CFAP44: variants seen among roughly 807,000 people sequenced by gnomAD.
CFAP44 encodes the protein cilia and flagella associated protein 44, also known as cilia- and flagella-associated protein 44.
In CFAP44, 134 loss-of-function variants were observed where a neutral mutation model predicts 216.2. The ratio of observed to expected loss-of-function variants is 0.62; its 90% confidence interval spans 0.54 to 0.72. The LOEUF (loss-of-function observed/expected upper bound fraction) is 0.72. Ranked by LOEUF, CFAP44 falls within the 30% of genes least tolerant of loss-of-function variation. The pLI is 0.00. For synonymous variants in CFAP44, 700 were observed against 727.6 expected, an observed-to-expected ratio of 0.96 and a Z score of 0.61; for missense variants, 2,035 against 2,182.1, an observed-to-expected ratio of 0.93 and a Z score of 1.34.
In CFAP44 at chr3:113,337,672, A is replaced by G. The variant is rs933036146; in HGVS notation, c.3437+4072T>C. ...CAAATATGTCCAAATGATTTCTGAC[A>G]AAGGTGCAAAAGGAATTCAAAGGAG... On this transcript the variant is annotated intron_variant, in intron 24 of 34. Coordinates refer to ENST00000393845, the MANE Select transcript of CFAP44 (RefSeq NM_001164496.2). Among the ~76,000 whole-genome samples the G allele has an allele frequency of 7.9e-5, 12 of 152,192 alleles. 1 individual carries two copies. The highest frequency in any genetic ancestry group is 7.2e-4 in the Admixed American group (11 of 15,278).
intron 26 of CFAP44, among the ~76,000 whole-genome samples, chr3:113,329,473 G>A (rs1950221773): frequency 6.6e-6 from 1 of 152,184 alleles, no homozygotes; most frequent in Non-Finnish European, 1.5e-5. Context: ...ACAAAGAAGA[G>A]ATAATGGTGA....
In CFAP44 at chr3:113,287,072, T is replaced by C. The variant is rs1271899279; in HGVS notation, c.*4485A>G. The C allele has an allele frequency of 1.6e-6, 1 of 627,222 alleles. No individual in the cohort carries two copies. The highest frequency in any genetic ancestry group is 1.8e-5 in the African/African-American group (1 of 55,116). 38.9% of individuals were successfully genotyped at this position (627,222 alleles called of 1,614,324 possible). On this transcript the variant is annotated 3_prime_UTR_variant, in exon 35 of 35. Coordinates refer to ENST00000393845, the MANE Select transcript of CFAP44 (RefSeq NM_001164496.2). ...GGTTGGAGAGGGAAAATAAAGAAGC[T>C]GCCACCTAACAGGAGTCACCCAGGA...
chr3:113,335,936 T>C (rs1457646880), intron 24 of CFAP44, among the ~76,000 whole-genome samples: 1 of 152,174 alleles, frequency 6.6e-6, no homozygotes, highest in African/African-American at 2.4e-5. Flanking sequence ...TAGGAAGATA[T>C]TTTTTAAACC....
At chr3:113,400,141 G>A (rs1017035450) in intron 12 of CFAP44, 141 bp from the exon 13 acceptor site, 4 of 527,540 alleles carry the variant, frequency 7.6e-6, no homozygotes, top group Non-Finnish European at 1.3e-5. Context: ...AAAAATTTCA[G>A]GTACAACCTC....
At chr3:113,408,983 A>T in intron 7 of CFAP44, 123 bp downstream of exon 7, 1 of 615,668 alleles carries the variant, frequency 1.6e-6, no homozygotes, top group Non-Finnish European at 2.6e-6. Flanking sequence ...ATTTTTAAAT[A>T]ATTCTAATGT....
At chr3:113,381,180 T>C in intron 15 of CFAP44, 120 bp from the exon 16 acceptor site, 1 of 599,720 alleles carries the variant, frequency 1.7e-6, no homozygotes, top group Non-Finnish European at 2.5e-6. Context: ...ACACACTTAA[T>C]TCCTCACTGC....
At position 113,341,918 on chromosome 3, in the gene CFAP44, C is replaced by G. The variant is rs1452239048; in HGVS notation, c.3263G>C (p.Gly1088Ala). 2 of 1,512,812 alleles carry G rather than the reference C, an allele frequency of 1.3e-6. No homozygotes were observed. Among genetic ancestry groups the G allele is most frequent in the Non-Finnish European group, 1.8e-6 (2 of 1,140,956 alleles). The allele number at this position is 1,512,812 out of a possible 1,614,324, so 93.7% of individuals were successfully genotyped here. The change falls in exon 24 of 35, where the codon GGT (glycine) becomes GCT (alanine). Residue 1088 changes from glycine (G) to alanine (A), a missense_variant and splice_region_variant. Physicochemically the swap from Gly to Ala is moderately conservative, Grantham distance 60. Transcript: ENST00000393845. ...TTCTTCTTGTATGGTAACACTCCCACCTACATAGAGAATCAACATTTTTCA... is the reference window on the plus strand; with the variant it reads ...TTCTTCTTGTATGGTAACACTCCCAGCTACATAGAGAATCAACATTTTTCA... ...PGRKDSQRDA[G>A]GSVTIQEESI...
chr3:113,291,406 G>A lies in CFAP44; in HGVS notation c.*151C>T. On this transcript the variant is annotated 3_prime_UTR_variant, in exon 35 of 35. Transcript: ENST00000393845. The stretch of plus-strand genomic sequence containing the variant: ...TTCTAAGATAACCAAATTGTAGAGA[G>A]ATTCTTAAAGTGACTTAACGTGACT... The A allele has an allele frequency of 2.3e-6, 2 of 875,804 alleles. No homozygotes were observed. Among genetic ancestry groups the A allele is most frequent in the East Asian group, 2.7e-5 (1 of 37,332 alleles). The allele number at this position is 875,804 out of a possible 1,614,324, so 54.3% of individuals were successfully genotyped here.
chr3:113,354,878 C>G (rs1003822565), intron 22 of CFAP44, among the ~76,000 whole-genome samples: 1 of 152,192 alleles, frequency 6.6e-6, no homozygotes, highest in African/African-American at 2.4e-5. Context: ...GGCCAACCAA[C>G]ACAAAACGAG....
intron 18 of CFAP44, 44 bp from the exon 19 acceptor site, chr3:113,366,353 A>T (rs1333469822): frequency 2.6e-6 from 4 of 1,565,028 alleles, no homozygotes; most frequent in Non-Finnish European, 3.5e-6. Context: ...TTAATCTGAA[A>T]ATAATGCTTA....
At chr3:113,352,224 C>G (rs372039244) in intron 22 of CFAP44, among the ~76,000 whole-genome samples, 1 of 152,140 alleles carries the variant, frequency 6.6e-6, no homozygotes, top group Admixed American at 6.5e-5. Context: ...GACCAATCAG[C>G]GCTCTGTAAA....
intron 32 of CFAP44, among the ~76,000 whole-genome samples, chr3:113,300,174 T>C (rs1321985133): frequency 6.6e-6 from 1 of 152,092 alleles, no homozygotes; most frequent in Non-Finnish European, 1.5e-5. Context: ...ACTGAACTCA[T>C]GGAGATAGAG....
chr3:113,398,034 T>C (rs1401066043), intron 13 of CFAP44, among the ~76,000 whole-genome samples: 1 of 152,158 alleles, frequency 6.6e-6, no homozygotes, highest in Non-Finnish European at 1.5e-5. Flanking sequence ...TAGAGCTCAG[T>C]GACCATCAGT....
At chr3:113,363,091 T>TCTATCCAGATAACATATG in intron 21 of CFAP44, 54 bp downstream of exon 21, 1 of 1,476,324 alleles carries the variant, frequency 6.8e-7, no homozygotes. Flanking sequence ...AATAGTCATC[T>TCTATCCAGATAACATATG]CTATCCAGAA....
intron 22 of CFAP44, among the ~76,000 whole-genome samples, chr3:113,355,384 G>C (rs1282679351): frequency 1.3e-5 from 2 of 152,178 alleles, no homozygotes; most frequent in Non-Finnish European, 2.9e-5. Flanking sequence ...CGCCGGGCAT[G>C]GTGGCAGGTG....
intron 30 of CFAP44, among the ~76,000 whole-genome samples, 172 bp from the exon 31 acceptor site, chr3:113,305,324 T>C (rs1008984597): frequency 3.9e-5 from 6 of 152,236 alleles, no homozygotes; most frequent in African/African-American, 1.4e-4. Flanking sequence ...ATTATTTTCT[T>C]TCTGCCAAGT....
At chr3:113,425,956 G>T in intron 4 of CFAP44, 168 bp downstream of exon 4, 2 of 748,100 alleles carry the variant, frequency 2.7e-6, no homozygotes, top group Non-Finnish European at 4.2e-6. Flanking sequence ...TGTGATGGCA[G>T]CCATAATAAA....
At position 113,379,289 on chromosome 3, in the gene CFAP44, A is replaced by G. The variant is rs1329826264; in HGVS notation, c.2298+17T>C. 2 of 1,500,022 alleles carry G rather than the reference A, an allele frequency of 1.3e-6. No individual in the cohort carries two copies. Among genetic ancestry groups the G allele is most frequent in the Non-Finnish European group, 8.9e-7 (1 of 1,118,496 alleles). 92.9% of individuals were successfully genotyped at this position (1,500,022 alleles called of 1,614,324 possible). A position where few individuals can be genotyped will look rare whatever the true frequency, so the allele number is the denominator to read the frequency against. On this transcript the variant is annotated intron_variant, in intron 17 of 34. Coordinates refer to ENST00000393845, the MANE Select transcript of CFAP44 (RefSeq NM_001164496.2). ...TTGAAATATGATTGAGGTAAAAATTATTACATTGTTACTTACCAAAGAAAC... is the reference window on the plus strand; with the variant it reads ...TTGAAATATGATTGAGGTAAAAATTGTTACATTGTTACTTACCAAAGAAAC...
chr3:113,302,476 A>AT (rs1949946147), intron 32 of CFAP44, among the ~76,000 whole-genome samples: 1 of 147,466 alleles, frequency 6.8e-6, no homozygotes, highest in Non-Finnish European at 1.5e-5. Context: ...AAAAAAAAAA[A>AT]AAAAGATAGC....
Sources: allele counts gnomAD v4.1 joint callset (sites outside exome capture counted in the v4.1 genomes callset), GRCh38; gene constraint gnomAD v4.1.1; transcripts MANE v1.5; gene names NCBI Gene and HGNC (gene_info 2026-07-23, HGNC 2026-07-21).